The following CHPT1 variants were observed in gnomAD, a reference collection of about 807,000 sequenced individuals.
The protein encoded by CHPT1 is cholinephosphotransferase 1.
A neutral mutation model predicts 47.6 loss-of-function variants in CHPT1; 36 were observed. That is an observed-to-expected ratio of 0.76 (90% CI 0.58 to 1.00). CHPT1 has a LOEUF of 1.00. Ranked by LOEUF, CHPT1 falls within the 50% of genes least tolerant of loss-of-function variation. The probability of loss-of-function intolerance (pLI) is 0.00; values close to 1 mark genes in which losing one functional copy is unlikely to be tolerated. For missense variants in CHPT1, 458 were observed against 498.1 expected, an observed-to-expected ratio of 0.92 and a Z score of 0.77; for synonymous variants, 194 against 186.3, an observed-to-expected ratio of 1.04 and a Z score of -0.33.
intron 1 of CHPT1, among the ~76,000 whole-genome samples, chr12:101,700,479 A>G (rs1951539501): frequency 6.6e-6 from 1 of 152,192 alleles, no homozygotes; most frequent in African/African-American, 2.4e-5. Flanking sequence ...TGACTGATGC[A>G]GGGAGGGGAA....
Position 101,720,226 on chromosome 12 carries a change from G to A in CHPT1, c.752G>A (p.Gly251Asp). ...TATTTCCATGTTATCCTCCATGGTG[G>A]TGTTGGCAAGAATGGATCCACTATA... ...SNYFHVILHG[G>D]VGKNGSTIAG... Residue 251 changes from glycine (G) to aspartate (D), a missense_variant, in exon 5 of 9, where the codon GGT becomes GAT. Physicochemically the swap from Gly to Asp is moderately conservative, Grantham distance 94. Transcript: ENST00000229266. The A allele has an allele frequency of 6.2e-7, 1 of 1,604,496 alleles. No homozygotes were observed. The highest frequency in any genetic ancestry group is 8.5e-7 in the Non-Finnish European group (1 of 1,175,838).
chr12:101,718,879 G>A (rs747069886), intron 4 of CHPT1, among the ~76,000 whole-genome samples: 27 of 151,880 alleles, frequency 1.8e-4, no homozygotes, highest in Non-Finnish European at 3.2e-4. Context: ...GATGCTATGC[G>A]TTTTTTGTAG....
rs755116612 is a variant in CHPT1, at chr12:101,698,047, C to T, written c.186C>T (p.Ala62=). ...WLLQWIPLWM[A]PNSITLLGLA... ...TCCAGTGGATCCCGCTCTGGATGGC[C>T]CCCAACTCCATCACCCTGCTGGGGC... Residue 62 remains alanine, a synonymous_variant, in exon 1 of 9, where the codon GCC becomes GCT. Transcript: ENST00000229266. 6.3e-7 allele frequency: 1 copy of T among 1,578,328 alleles called. No individual in the cohort carries two copies. The highest frequency in any genetic ancestry group is 8.5e-7 in the Non-Finnish European group (1 of 1,170,672).
intron 4 of CHPT1, among the ~76,000 whole-genome samples, chr12:101,717,723 C>T (rs1005121367): frequency 1.3e-5 from 2 of 148,154 alleles, no homozygotes; most frequent in African/African-American, 4.9e-5. Context: ...GTAAGTGATA[C>T]AAAACTAAAC....
intron 1 of CHPT1, among the ~76,000 whole-genome samples, chr12:101,712,235 G>T (rs1951708941): frequency 6.8e-6 from 1 of 148,040 alleles, no homozygotes; most frequent in South Asian, 2.2e-4. Context: ...TGCCCAGGCT[G>T]GTCTTGAACC....
intron 3 of CHPT1, 107 bp from the exon 4 acceptor site, chr12:101,716,619 CTA>C: frequency 1.7e-6 from 1 of 604,620 alleles, no homozygotes; most frequent in Non-Finnish European, 2.8e-6. Context: ...TAAAAATAAA[CTA>C]AGCCTACAGA....
chr12:101,700,757 T>C (rs957910928), intron 1 of CHPT1, among the ~76,000 whole-genome samples: 2 of 152,346 alleles, frequency 1.3e-5, no homozygotes, highest in Middle Eastern at 3.4e-3. Flanking sequence ...CTTCCTACAA[T>C]GGCCCTCCTA....
rs890023164 is a variant in CHPT1 at position 101,712,486 on chromosome 12, T to C, written c.274-1604T>C. 2.7e-5 allele frequency among the ~76,000 whole-genome samples: 4 copies of C among 148,772 alleles called. 1 individual carries two copies. Among genetic ancestry groups the C allele is most frequent in the Non-Finnish European group, 6.0e-5 (4 of 66,504 alleles). On this transcript the variant is annotated intron_variant, in intron 1 of 8. Transcript: ENST00000229266. ...TTTTCATCATTTATTTCTTCTTATA[T>C]TTTTCGTGCCCCATCCGCTCTTTTC...
chr12:101,719,962 A>AAAT, intron 4 of CHPT1, 161 bp from the exon 5 acceptor site: 1 of 433,208 alleles, frequency 2.3e-6, no homozygotes, highest in Non-Finnish European at 3.8e-6. Context: ...AGTTAAAAAA[A>AAAT]AGTTTTTAAG....
Position 101,714,251 on chromosome 12 carries a change from G to GT in CHPT1, c.421+20dup. The GT allele has an allele frequency of 1.3e-6, 2 of 1,546,564 alleles. No individual in the cohort carries two copies. Among genetic ancestry groups the GT allele is most frequent in the Non-Finnish European group, 1.7e-6 (2 of 1,152,580 alleles). ...CTCTTTCCACAGGTAAATTAGTGGAGTTTTTTATTTTTTTATGATACCTTA... is the reference window on the plus strand; with the variant it reads ...CTCTTTCCACAGGTAAATTAGTGGAGTTTTTTTATTTTTTTATGATACCTTA... On this transcript the variant is annotated intron_variant, in intron 2 of 8. Transcript: ENST00000229266.
At chr12:101,707,579 GT>G (rs1951650462) in intron 1 of CHPT1, among the ~76,000 whole-genome samples, 1 of 152,182 alleles carries the variant, frequency 6.6e-6, no homozygotes, top group Admixed American at 6.5e-5. Context: ...CCAGAGTAAT[GT>G]TCTAGAGTAC....
In CHPT1 at chr12:101,706,069, T is replaced by C. The variant is rs1481601614; in HGVS notation, c.273+7935T>C. On this transcript the variant is annotated intron_variant, in intron 1 of 8. Coordinates refer to ENST00000229266, the MANE Select transcript of CHPT1 (RefSeq NM_020244.3). ...AGAAGATTTTTAAAAATAGAATACG[T>C]GGCTGGGTGCGGTGACTCATGCCTG... 2.6e-5 allele frequency among the ~76,000 whole-genome samples: 4 copies of C among 151,990 alleles called. No individual in the cohort carries two copies. The East Asian group carries it at 7.8e-4, about 30-fold the overall frequency.
chr12:101,704,185 G>GTTTTGT (rs1186166484), intron 1 of CHPT1, among the ~76,000 whole-genome samples: 1 of 150,630 alleles, frequency 6.6e-6, no homozygotes, highest in African/African-American at 2.5e-5. Flanking sequence ...AGGTTTTTTT[G>GTTTTGT]TTTTGTTTTT....
intron 4 of CHPT1, among the ~76,000 whole-genome samples, chr12:101,718,279 T>A (rs991422274): frequency 3.3e-5 from 5 of 152,146 alleles, no homozygotes; most frequent in Admixed American, 3.3e-4. Context: ...GAACTTTGGG[T>A]GATAATGACG....
In CHPT1 at chr12:101,698,100, TGCTCATCTCCTA is replaced by T; in HGVS notation, c.240_251del (p.Leu81_Tyr84del). 6.4e-7 allele frequency: 1 copy of T among 1,554,126 alleles called. No individual in the cohort carries two copies. Among genetic ancestry groups the T allele is most frequent in the Non-Finnish European group, 8.6e-7 (1 of 1,157,946 alleles). ...GCCGTCAACGTGGTCACCACGCTCG[TGCTCATCTCCTA>T]CTGTCCCACGGCCACCGAAGAGGTA... On this transcript the variant is annotated inframe_deletion, in exon 1 of 9. Coordinates refer to ENST00000229266, the MANE Select transcript of CHPT1 (RefSeq NM_020244.3).
In CHPT1 at chr12:101,723,224, AATG is replaced by A. The variant is rs1318610419; in HGVS notation, c.840_842del (p.Met280del). ...TAGGACTAATTATTATACTGGCAATAATGATCTATAAAAAGTCAGCAACTGATG... is the reference window on the plus strand; with the variant it reads ...TAGGACTAATTATTATACTGGCAATAATCTATAAAAAGTCAGCAACTGATG... On this transcript the variant is annotated inframe_deletion, in exon 6 of 9. Transcript: ENST00000229266. The A allele has an allele frequency of 6.2e-7, 1 of 1,612,344 alleles. No individual in the cohort carries two copies. The highest frequency in any genetic ancestry group is 8.5e-7 in the Non-Finnish European group (1 of 1,178,612).
intron 1 of CHPT1, among the ~76,000 whole-genome samples, chr12:101,706,035 A>G (rs1047271864): frequency 4.6e-5 from 7 of 151,984 alleles, no homozygotes; most frequent in African/African-American, 1.7e-4. Flanking sequence ...CTACGTATTT[A>G]GCTCCTACAG....
intron 7 of CHPT1, among the ~76,000 whole-genome samples, chr12:101,724,413 C>T (rs907165979): frequency 1.3e-5 from 2 of 152,084 alleles, no homozygotes; most frequent in Non-Finnish European, 2.9e-5. Context: ...ATTTTTCTCC[C>T]CCAAAATACC....
At chr12:101,717,385 T>C (rs1434404165) in intron 4 of CHPT1, 2 of 440,870 alleles carry the variant, frequency 4.5e-6, no homozygotes, top group East Asian at 1.4e-4. Flanking sequence ...AGTTGTCCTG[T>C]TACCACAACG....
Sources: gnomAD v4.1 joint callset for allele counts (sites outside exome capture counted in the v4.1 genomes callset) on GRCh38, gnomAD v4.1.1 for gene constraint, MANE v1.5 for transcripts, NCBI Gene and HGNC (gene_info 2026-07-23, HGNC 2026-07-21) for gene names.